AFG1L: variants seen among roughly 807,000 people sequenced by gnomAD.
AFG1L encodes the protein AFG1-like ATPase.
In AFG1L, 53 loss-of-function variants were observed where a neutral mutation model predicts 62.2. The observed-to-expected ratio is 0.85, with a 90% CI of 0.68 to 1.07. The LOEUF (loss-of-function observed/expected upper bound fraction) is 1.07, where lower values mean the gene tolerates loss of function less well. Among genes scored for constraint, AFG1L ranks in the 50% least tolerant of loss-of-function variants. The pLI, the probability that AFG1L is intolerant of heterozygous loss-of-function variation, is 0.00. For missense variants in AFG1L, 555 were observed against 590.5 expected (o/e 0.94, Z 0.62); for synonymous variants, 228 against 210.3 (o/e 1.08, Z -0.73).
intron 4 of AFG1L, 35 bp downstream of exon 4, chr6:108,355,790 TG>T: frequency 7.2e-7 from 1 of 1,380,876 alleles, no homozygotes; most frequent in East Asian, 2.3e-5. Flanking sequence ...ATTTTTTCAG[TG>T]GGGAAACGCT....
chr6:108,509,288 G>C (rs192479957), intron 10 of AFG1L, among the ~76,000 whole-genome samples: 2 of 152,288 alleles, frequency 1.3e-5, no homozygotes, highest in Admixed American at 1.3e-4. Context: ...CGTATCAGGA[G>C]GCAGTGTACT....
chr6:108,403,922 A>G (rs1781739426), intron 7 of AFG1L, among the ~76,000 whole-genome samples: 1 of 152,104 alleles, frequency 6.6e-6, no homozygotes, highest in African/African-American at 2.4e-5. Flanking sequence ...ACTGAGAGAT[A>G]TAATATACAA....
chr6:108,524,014 G>A lies in AFG1L; in HGVS notation c.*1589G>A, dbSNP rs1272711458. The A allele has an allele frequency of 6.8e-6, 1 of 146,078 alleles. No homozygotes were observed. The highest frequency in any genetic ancestry group is 1.9e-4 in the East Asian group (1 of 5,186). 9.0% of individuals were successfully genotyped at this position (146,078 alleles called of 1,614,324 possible). A position where few individuals can be genotyped will look rare whatever the true frequency, so the allele number is the denominator to read the frequency against. On this transcript the variant is annotated 3_prime_UTR_variant, in exon 13 of 13. Coordinates refer to ENST00000368977, the MANE Select transcript of AFG1L (RefSeq NM_145315.5). ...TATTATAACCCCTGTTTAAAAATAA[G>A]AAAACTGAGTCTTGGGAAAGTTAAG...
intron 3 of AFG1L, among the ~76,000 whole-genome samples, chr6:108,352,127 T>C (rs896249760): frequency 1.3e-5 from 2 of 152,156 alleles, no homozygotes; most frequent in African/African-American, 4.8e-5. Context: ...TCTACCTCTC[T>C]CCCACATTTT....
chr6:108,484,930 T>G (rs1773482413), intron 10 of AFG1L, among the ~76,000 whole-genome samples: 1 of 151,936 alleles, frequency 6.6e-6, no homozygotes, highest in Admixed American at 6.6e-5. Context: ...AGTTGTTGAT[T>G]TTTTTTTATA....
At chr6:108,325,864 C>T (rs1167068325) in intron 2 of AFG1L, among the ~76,000 whole-genome samples, 1 of 151,964 alleles carries the variant, frequency 6.6e-6, no homozygotes, top group Non-Finnish European at 1.5e-5. Flanking sequence ...CTCACTGTAG[C>T]CTCCGCCTCC....
At chr6:108,355,106 T>C (rs1582425500) in intron 3 of AFG1L, among the ~76,000 whole-genome samples, 4 of 147,124 alleles carry the variant, frequency 2.7e-5, no homozygotes, top group Non-Finnish European at 4.5e-5. Context: ...TTTCTTCTCT[T>C]TTTTTTTTTT....
At chr6:108,415,116 C>A (rs985311283) in intron 7 of AFG1L, among the ~76,000 whole-genome samples, 2 of 152,030 alleles carry the variant, frequency 1.3e-5, no homozygotes, top group Non-Finnish European at 2.9e-5. Flanking sequence ...AGGCATTCCT[C>A]TACACCAATA....
intron 6 of AFG1L, among the ~76,000 whole-genome samples, chr6:108,374,533 T>C (rs1365689255): frequency 6.6e-6 from 1 of 152,190 alleles, no homozygotes; most frequent in Non-Finnish European, 1.5e-5. Context: ...AGGTCCAGTT[T>C]CATTCTTCGG....
intron 2 of AFG1L, among the ~76,000 whole-genome samples, chr6:108,339,700 T>A (rs930876361): frequency 1.3e-5 from 2 of 152,118 alleles, no homozygotes; most frequent in African/African-American, 4.8e-5. Context: ...CCTCCCGCCT[T>A]GGCCTCCCAA....
chr6:108,422,908 A>G (rs1770665841), intron 7 of AFG1L, among the ~76,000 whole-genome samples: 1 of 152,062 alleles, frequency 6.6e-6, no homozygotes, highest in African/African-American at 2.4e-5. Flanking sequence ...GCTTTTGGCT[A>G]CTTAACCCAT....
intron 10 of AFG1L, among the ~76,000 whole-genome samples, chr6:108,505,357 T>C (rs1389016730): frequency 6.6e-6 from 1 of 152,072 alleles, no homozygotes; most frequent in African/African-American, 2.4e-5. Context: ...CTCCCAAAGT[T>C]CTGGGATTAC....
intron 10 of AFG1L, among the ~76,000 whole-genome samples, chr6:108,492,045 G>T (rs748274122): frequency 1.6e-3 from 245 of 152,330 alleles, no homozygotes; most frequent in Non-Finnish European, 3.1e-3. Flanking sequence ...GTGTTCAGAA[G>T]TTACAGTTCT....
Position 108,487,090 on chromosome 6 carries a change from A to C in AFG1L, c.1062+9798A>C, listed in dbSNP as rs117579190. On this transcript the variant is annotated intron_variant, in intron 10 of 12. Coordinates refer to ENST00000368977, the MANE Select transcript of AFG1L (RefSeq NM_145315.5). ...AAGAAGTCAGTAAGAAGTTTCTCTC[A>C]AAGAGTTTACAGTTTAATAAAGGAA... Among the ~76,000 whole-genome samples, 320 of 152,354 alleles carry C rather than the reference A, an allele frequency of 2.1e-3. 7 individuals carry two copies. The East Asian group carries it at 0.049, about 23-fold the overall frequency.
intron 10 of AFG1L, among the ~76,000 whole-genome samples, chr6:108,481,343 G>T: frequency 6.6e-6 from 1 of 152,166 alleles, no homozygotes; most frequent in East Asian, 1.9e-4. Flanking sequence ...GGGTAGTGGA[G>T]AAGTCAGAAA....
At chr6:108,297,682 C>T (rs1472903616) in intron 1 of AFG1L, among the ~76,000 whole-genome samples, 1 of 151,212 alleles carries the variant, frequency 6.6e-6, no homozygotes, top group Non-Finnish European at 1.5e-5. Context: ...TGGCAAAACC[C>T]CCTCTCTATA....
intron 3 of AFG1L, among the ~76,000 whole-genome samples, chr6:108,354,496 G>T (rs958596485): frequency 6.6e-6 from 1 of 151,932 alleles, no homozygotes; most frequent in South Asian, 2.1e-4. Flanking sequence ...GTAGAGACAG[G>T]GTTTTGCCAT....
chr6:108,505,099 CTT>C (rs796927224), intron 10 of AFG1L, among the ~76,000 whole-genome samples: 8 of 134,518 alleles, frequency 5.9e-5, no homozygotes, highest in African/African-American at 1.1e-4. Flanking sequence ...TTTCTTTTTT[CTT>C]TTTTTTTTTT....
chr6:108,437,607 T>C (rs1389134983), intron 7 of AFG1L, among the ~76,000 whole-genome samples: 1 of 152,190 alleles, frequency 6.6e-6, no homozygotes, highest in Non-Finnish European at 1.5e-5. Flanking sequence ...AAATTTACTA[T>C]AATATAACCC....
Sources: allele counts gnomAD v4.1 joint callset (sites outside exome capture counted in the v4.1 genomes callset), GRCh38; gene constraint gnomAD v4.1.1; transcripts MANE v1.5; gene names NCBI Gene and HGNC (gene_info 2026-07-23, HGNC 2026-07-21).